KLF12: variants seen among roughly 807,000 people sequenced by gnomAD.
The protein encoded by KLF12 is Krueppel-like factor 12.
In KLF12, 9 loss-of-function variants were observed where a neutral mutation model predicts 37.8. The ratio of observed to expected loss-of-function variants is 0.24; its 90% CI spans 0.14 to 0.42. The LOEUF (loss-of-function observed/expected upper bound fraction) is 0.42. Among genes scored for constraint, KLF12 ranks in the 10% least tolerant of loss-of-function variants. The pLI is 1.00. For synonymous variants in KLF12, 208 were observed against 202.1 expected (o/e 1.03, Z -0.25); for missense variants, 411 against 516.0 (o/e 0.80, Z 1.97).
chr13:73,729,330 C>G (rs747963644), intron 6 of KLF12, among the ~76,000 whole-genome samples: 5 of 152,198 alleles, frequency 3.3e-5, no homozygotes, highest in Non-Finnish European at 7.3e-5. Context: ...CTGTTCAAAT[C>G]TCAAAGTGAA....
intron 4 of KLF12, among the ~76,000 whole-genome samples, chr13:73,836,618 A>G (rs1162257824): frequency 6.6e-6 from 1 of 152,212 alleles, no homozygotes; most frequent in African/African-American, 2.4e-5. Context: ...CCCTTGTAGC[A>G]TAACAGCACT....
intron 4 of KLF12, among the ~76,000 whole-genome samples, chr13:73,826,835 G>A (rs1320264463): frequency 6.6e-6 from 1 of 152,026 alleles, no homozygotes; most frequent in Non-Finnish European, 1.5e-5. Flanking sequence ...AAGCTGCAGT[G>A]CAGTGGCATG....
intron 3 of KLF12, among the ~76,000 whole-genome samples, chr13:73,857,677 T>G (rs1303545935): frequency 6.6e-6 from 1 of 152,186 alleles, no homozygotes; most frequent in Non-Finnish European, 1.5e-5. Context: ...TGTCTTATTT[T>G]GGGGAGTAAA....
chr13:74,164,384 C>A, the KLF12 span, among the ~76,000 whole-genome samples: 1 of 152,022 alleles, frequency 6.6e-6, no homozygotes, highest in African/African-American at 2.4e-5. Flanking sequence ...GCAAATTAGT[C>A]ATATTTTAAT....
At chr13:73,779,919 A>C (rs768845287) in intron 5 of KLF12, among the ~76,000 whole-genome samples, 12 of 152,368 alleles carry the variant, frequency 7.9e-5, no homozygotes, top group Admixed American at 3.3e-4. Flanking sequence ...CCTTCTGAGA[A>C]GGATTCACCA....
chr13:74,255,501 T>G, the KLF12 span, among the ~76,000 whole-genome samples: 1 of 152,232 alleles, frequency 6.6e-6, no homozygotes, highest in Non-Finnish European at 1.5e-5. Flanking sequence ...CAGAATTTCA[T>G]TGAGCTTTCA....
chr13:74,176,342 A>C, the KLF12 span, among the ~76,000 whole-genome samples: 3 of 152,084 alleles, frequency 2.0e-5, no homozygotes, highest in African/African-American at 4.8e-5. Flanking sequence ...AAATACATAA[A>C]ATTTTTCATT....
At position 74,045,756 on chromosome 13, in the gene KLF12, T is replaced by G. The variant is rs949045608; in HGVS notation, c.-31-50703A>C. Among the ~76,000 whole-genome samples the G allele has an allele frequency of 2.0e-5, 3 of 152,230 alleles. No individual in the cohort carries two copies. In the East Asian group the frequency reaches 5.8e-4, roughly 29 times the overall value. On this transcript the variant is annotated intron_variant, in intron 1 of 7. Coordinates refer to ENST00000377669, the MANE Select transcript of KLF12 (RefSeq NM_007249.5). Reference sequence around the variant, plus strand: ...TCCCACACTCCAAAGCTGTGCCCATTAGGGAAGCTGGCATGTCTGCATGGT... The same window carrying G: ...TCCCACACTCCAAAGCTGTGCCCATGAGGGAAGCTGGCATGTCTGCATGGT...
At chr13:74,055,904 GA>G (rs971101054) in intron 1 of KLF12, among the ~76,000 whole-genome samples, 14 of 152,278 alleles carry the variant, frequency 9.2e-5, no homozygotes, top group African/African-American at 3.4e-4. Context: ...ACAACCCCAA[GA>G]ACAGTGGTAG....
chr13:74,005,585 T>C (rs1892389636), intron 1 of KLF12, among the ~76,000 whole-genome samples: 1 of 152,172 alleles, frequency 6.6e-6, no homozygotes, highest in Admixed American at 6.5e-5. Flanking sequence ...AATAACTGCA[T>C]TTCAGTTCAG....
chr13:74,107,456 TA>T (rs1876717209), intron 1 of KLF12, among the ~76,000 whole-genome samples: 2 of 152,164 alleles, frequency 1.3e-5, no homozygotes. Context: ...TCTACAGAAA[TA>T]AAAGTAAAAA....
the KLF12 span, among the ~76,000 whole-genome samples, chr13:74,163,568 A>G: frequency 5.9e-5 from 9 of 152,082 alleles, no homozygotes; most frequent in African/African-American, 2.2e-4. Flanking sequence ...TAGTTAACAG[A>G]GACTGGGAAG....
intron 3 of KLF12, among the ~76,000 whole-genome samples, chr13:73,887,343 T>C (rs1887279422): frequency 1.3e-5 from 2 of 152,338 alleles, no homozygotes; most frequent in South Asian, 4.1e-4. Context: ...AGCTAGGGCC[T>C]GGTGGGAGCT....
the KLF12 span, among the ~76,000 whole-genome samples, chr13:74,244,433 C>T: frequency 6.6e-6 from 1 of 152,172 alleles, no homozygotes; most frequent in Admixed American, 6.5e-5. Flanking sequence ...TACTTTCAAG[C>T]AGGTCCACCA....
intron 5 of KLF12, among the ~76,000 whole-genome samples, chr13:73,809,391 A>C (rs1481057895): frequency 6.6e-6 from 1 of 152,210 alleles, no homozygotes; most frequent in Non-Finnish European, 1.5e-5. Context: ...AAGAAAGAGA[A>C]ATTAATGGTG....
the KLF12 span, among the ~76,000 whole-genome samples, chr13:74,197,393 T>C: frequency 9.2e-5 from 14 of 152,252 alleles, no homozygotes; most frequent in East Asian, 2.5e-3. Flanking sequence ...TTAACTGGTA[T>C]GTAAAGTTAA....
chr13:73,846,961 AACTT>A (rs1385265831), intron 3 of KLF12, among the ~76,000 whole-genome samples: 2 of 152,164 alleles, frequency 1.3e-5, no homozygotes, highest in African/African-American at 2.4e-5. Context: ...ATTTAAGAAA[AACTT>A]ATCCTGAAAA....
intron 3 of KLF12, among the ~76,000 whole-genome samples, chr13:73,885,705 T>C (rs1291264617): frequency 2.0e-5 from 3 of 152,140 alleles, no homozygotes; most frequent in Admixed American, 2.0e-4. Context: ...AAATGAAGAA[T>C]AGCGCTAATT....
chr13:74,022,759 C>A (rs576998944), intron 1 of KLF12, among the ~76,000 whole-genome samples: 1 of 151,428 alleles, frequency 6.6e-6, no homozygotes, highest in Non-Finnish European at 1.5e-5. Flanking sequence ...CAACATATAA[C>A]GTATTGGCCG....
Sources: allele counts gnomAD v4.1 joint callset (sites outside exome capture counted in the v4.1 genomes callset), GRCh38; gene constraint gnomAD v4.1.1; transcripts MANE v1.5; gene names NCBI Gene and HGNC (gene_info 2026-07-23, HGNC 2026-07-21).